TGM3: variants seen among roughly 807,000 people sequenced by gnomAD.
The protein encoded by TGM3 is transglutaminase 3.
TGM3 carries 52 observed loss-of-function variants against 73.8 expected under a neutral mutation model. That is an observed-to-expected ratio of 0.70 (90% CI 0.56 to 0.89). TGM3 has a LOEUF of 0.89. Ranked by LOEUF, TGM3 falls within the 40% of genes least tolerant of loss-of-function variation. TGM3 has a pLI of 0.00. For missense variants in TGM3, 928 were observed against 909.9 expected, an observed-to-expected ratio of 1.02 and a Z score of -0.26; for synonymous variants, 372 against 354.9, an observed-to-expected ratio of 1.05 and a Z score of -0.54.
chr20:2,327,963 G>A (rs550370221), intron 8 of TGM3, among the ~76,000 whole-genome samples, 157 bp from the exon 9 acceptor site: 1 of 152,322 alleles, frequency 6.6e-6, no homozygotes, highest in African/African-American at 2.4e-5. Context: ...GAGGGTCTCT[G>A]CAGAATGCCA....
At position 2,328,374 on chromosome 20, in the gene TGM3, G is replaced by A. The variant is rs1277139886; in HGVS notation, c.1333+9G>A. ...GTACAAGTACCCAGAAGGTAGGAGGGACGCTGGCGGGGCAGTGCCGCGAGA... is the reference window on the plus strand; with the variant it reads ...GTACAAGTACCCAGAAGGTAGGAGGAACGCTGGCGGGGCAGTGCCGCGAGA... On this transcript the variant is annotated intron_variant, in intron 9 of 12. Coordinates refer to ENST00000381458, the MANE Select transcript of TGM3 (RefSeq NM_003245.4). The surrounding 1 kb of genome is among the most constrained non-coding windows in gnomAD (Gnocchi z 5.2). The A allele has an allele frequency of 6.2e-7, 1 of 1,613,794 alleles. No homozygotes were observed. The highest frequency in any genetic ancestry group is 1.1e-5 in the South Asian group (1 of 91,062).
At chr20:2,337,270 G>C (rs1172290899) in intron 11 of TGM3, among the ~76,000 whole-genome samples, 1 of 152,150 alleles carries the variant, frequency 6.6e-6, no homozygotes, top group Non-Finnish European at 1.5e-5. Flanking sequence ...AGCCTCTCCT[G>C]CTTCACAAGA....
intron 1 of TGM3, among the ~76,000 whole-genome samples, chr20:2,297,438 C>A (rs1044419635): frequency 6.6e-6 from 1 of 152,200 alleles, no homozygotes; most frequent in East Asian, 1.9e-4. Flanking sequence ...CCAGTACCGA[C>A]TTTTCTTTCT....
At chr20:2,336,306 G>A (rs536571546) in intron 11 of TGM3, among the ~76,000 whole-genome samples, 1 of 152,118 alleles carries the variant, frequency 6.6e-6, no homozygotes, top group Non-Finnish European at 1.5e-5. Context: ...GCAGACAAAC[G>A]GACAGAGAAC....
At chr20:2,309,029 CA>C (rs1297054038) in intron 1 of TGM3, among the ~76,000 whole-genome samples, 3 of 152,140 alleles carry the variant, frequency 2.0e-5, no homozygotes, top group Non-Finnish European at 4.4e-5. Context: ...AGGTGTGAAC[CA>C]CCATGACCAG....
At chr20:2,340,097 C>A in intron 12 of TGM3, 110 bp downstream of exon 12, 1 of 1,361,028 alleles carries the variant, frequency 7.3e-7, no homozygotes, top group Non-Finnish European at 1.0e-6. Flanking sequence ...GGGTTCTTTA[C>A]TCTTTTGGGG....
chr20:2,301,407 C>T (rs1402881361), intron 1 of TGM3, among the ~76,000 whole-genome samples: 1 of 147,940 alleles, frequency 6.8e-6, no homozygotes, highest in African/African-American at 2.5e-5. Context: ...CTTCCCATTT[C>T]AGGGCCTCAG....
At chr20:2,317,959 TA>T (rs1216302010) in intron 7 of TGM3, among the ~76,000 whole-genome samples, 15 of 147,378 alleles carry the variant, frequency 1.0e-4, no homozygotes, top group African/African-American at 3.8e-4. Flanking sequence ...TATATATATA[TA>T]CACCTATTGT....
chr20:2,333,295 T>G (rs1438424866), intron 10 of TGM3, among the ~76,000 whole-genome samples: 2 of 152,226 alleles, frequency 1.3e-5, no homozygotes, highest in Non-Finnish European at 2.9e-5. Flanking sequence ...TGGCAGAATT[T>G]TAGCAGAAAT....
At position 2,311,093 on chromosome 20, in the gene TGM3, A is replaced by G. The variant is rs1380513282; in HGVS notation, c.504A>G (p.Thr168=). 1.2e-6 allele frequency: 2 copies of G among 1,614,176 alleles called. No homozygotes were observed. The highest frequency in any genetic ancestry group is 8.5e-7 in the Non-Finnish European group (1 of 1,180,006). ...EDAGIIFVGS[T]NRIGMIGWNF... Reference sequence around the variant, plus strand: ...CCGGCATCATCTTTGTGGGAAGCACAAACCGAATTGGCATGATTGGCTGGA... The same window carrying G: ...CCGGCATCATCTTTGTGGGAAGCACGAACCGAATTGGCATGATTGGCTGGA... Residue 168 remains threonine, a synonymous_variant, in exon 4 of 13, where the codon ACA becomes ACG. Transcript: ENST00000381458.
chr20:2,297,278 G>A (rs1377206951), intron 1 of TGM3, among the ~76,000 whole-genome samples: 1 of 152,316 alleles, frequency 6.6e-6, no homozygotes, highest in Non-Finnish European at 1.5e-5. Context: ...TCCTACATAA[G>A]TGCACATAAC....
chr20:2,297,753 A>T (rs565001629), intron 1 of TGM3, among the ~76,000 whole-genome samples: 185 of 152,278 alleles, frequency 1.2e-3, no homozygotes, highest in African/African-American at 4.3e-3. Flanking sequence ...GAAGTTCCCA[A>T]TCAGTGTTTC....
At chr20:2,297,554 G>A (rs2084117062) in intron 1 of TGM3, among the ~76,000 whole-genome samples, 1 of 152,208 alleles carries the variant, frequency 6.6e-6, no homozygotes, top group South Asian at 2.1e-4. Flanking sequence ...CTCAGGAATG[G>A]CCTGCCCGCT....
chr20:2,303,057 TG>T (rs2084158673), intron 1 of TGM3, among the ~76,000 whole-genome samples: 1 of 152,124 alleles, frequency 6.6e-6, no homozygotes, highest in Non-Finnish European at 1.5e-5. Flanking sequence ...CCCAGCACTT[TG>T]GAGGCTGAGG....
chr20:2,321,442 T>C (rs2084262676), intron 7 of TGM3, among the ~76,000 whole-genome samples: 1 of 152,100 alleles, frequency 6.6e-6, no homozygotes, highest in African/African-American at 2.4e-5. Context: ...CTGAACAAAC[T>C]TTGGGAGGAC....
chr20:2,317,936 T>C (rs1568627316), intron 7 of TGM3, among the ~76,000 whole-genome samples: 3 of 140,734 alleles, frequency 2.1e-5, no homozygotes, highest in Non-Finnish European at 4.5e-5. Flanking sequence ...TATATATATA[T>C]ATATATCATA....
intron 2 of TGM3, 50 bp from the exon 3 acceptor site, chr20:2,310,128 C>G (rs1159426257): frequency 6.2e-7 from 1 of 1,607,110 alleles, no homozygotes; most frequent in Non-Finnish European, 8.5e-7. Context: ...GGTCTCTCCA[C>G]AGTCTGACCA....
intron 11 of TGM3, among the ~76,000 whole-genome samples, chr20:2,336,429 T>C (rs1257003950): frequency 1.3e-5 from 2 of 151,988 alleles, no homozygotes; most frequent in Non-Finnish European, 2.9e-5. Flanking sequence ...TGCCTTTCCC[T>C]GTACAATCAC....
intron 7 of TGM3, among the ~76,000 whole-genome samples, chr20:2,322,773 G>T (rs2084268545): frequency 6.6e-6 from 1 of 152,154 alleles, no homozygotes; most frequent in African/African-American, 2.4e-5. Flanking sequence ...CAATAACACA[G>T]GACTCAACTT....
Sources: gnomAD v4.1 joint callset for allele counts (sites outside exome capture counted in the v4.1 genomes callset) on GRCh38, gnomAD v4.1.1 for gene constraint, Gnocchi (gnomAD v3.1) non-coding constraint, MANE v1.5 for transcripts, NCBI Gene and HGNC (gene_info 2026-07-23, HGNC 2026-07-21) for gene names.